PCDH9: variants seen among roughly 807,000 people sequenced by gnomAD.
The protein encoded by PCDH9 is protocadherin 9.
PCDH9 carries 24 observed loss-of-function variants against 70.6 expected under a neutral mutation model. That is an observed-to-expected ratio of 0.34 (90% CI 0.25 to 0.48). The LOEUF (loss-of-function observed/expected upper bound fraction) is 0.48, where lower values mean the gene tolerates loss of function less well. Among genes scored for constraint, PCDH9 ranks in the 20% least tolerant of loss-of-function variants. The pLI is 0.99. For synonymous variants in PCDH9, 562 were observed against 558.5 expected (o/e 1.01, Z -0.09); for missense variants, 1,281 against 1,503.6 (o/e 0.85, Z 2.45).
chr13:67,093,984 A>G (rs2086270779), intron 2 of PCDH9, among the ~76,000 whole-genome samples: 1 of 152,084 alleles, frequency 6.6e-6, no homozygotes, highest in African/African-American at 2.4e-5. Flanking sequence ...AGAATTTTCT[A>G]CTCTTCTTTT....
intron 4 of PCDH9, among the ~76,000 whole-genome samples, chr13:66,373,585 T>G (rs1159054612): frequency 6.6e-6 from 1 of 152,030 alleles, no homozygotes; most frequent in Non-Finnish European, 1.5e-5. Context: ...TACACTCGTA[T>G]ATTTAATCAG....
intron 2 of PCDH9, among the ~76,000 whole-genome samples, chr13:66,947,524 A>G (rs1445316626): frequency 6.6e-6 from 1 of 152,134 alleles, no homozygotes; most frequent in Non-Finnish European, 1.5e-5. Context: ...AGCCTGAAGA[A>G]TTCAAAGAAT....
chr13:66,790,826 A>T (rs544386314), intron 3 of PCDH9, among the ~76,000 whole-genome samples: 4 of 152,244 alleles, frequency 2.6e-5, no homozygotes, highest in Non-Finnish European at 5.9e-5. Context: ...TACAGGATTA[A>T]AAAAGAAATC....
chr13:67,074,770 C>A (rs1448235888), intron 2 of PCDH9, among the ~76,000 whole-genome samples: 1 of 151,864 alleles, frequency 6.6e-6, no homozygotes, highest in African/African-American at 2.4e-5. Context: ...AATCTCTAAC[C>A]AAACAAGAAT....
intron 2 of PCDH9, among the ~76,000 whole-genome samples, chr13:67,054,327 T>C (rs1489652590): frequency 6.6e-6 from 1 of 152,106 alleles, no homozygotes; most frequent in Non-Finnish European, 1.5e-5. Context: ...ATTATTTACC[T>C]ATCTACACAC....
intron 3 of PCDH9, among the ~76,000 whole-genome samples, chr13:66,652,087 A>G (rs1840449426): frequency 6.6e-6 from 1 of 152,070 alleles, no homozygotes; most frequent in Non-Finnish European, 1.5e-5. Flanking sequence ...CTTTCCTCTA[A>G]GATTTGGAAG....
chr13:66,686,358 C>A (rs754570227), intron 3 of PCDH9, among the ~76,000 whole-genome samples: 80 of 152,082 alleles, frequency 5.3e-4, no homozygotes, highest in Non-Finnish European at 1.1e-3. Context: ...TCCCCTTCAG[C>A]CATAATTGTA....
At chr13:67,217,252 A>G (rs1457105089) in intron 2 of PCDH9, 1 of 137,222 alleles carries the variant, frequency 7.3e-6, no homozygotes, top group Non-Finnish European at 1.6e-5. Flanking sequence ...TCTTTTCTTT[A>G]TTGAGGTTTG....
intron 3 of PCDH9, among the ~76,000 whole-genome samples, chr13:66,638,126 C>T (rs902876301): frequency 8.5e-5 from 13 of 152,100 alleles, no homozygotes; most frequent in South Asian, 2.1e-4. Context: ...AGACACTACT[C>T]GAGCTGCTAA....
intron 4 of PCDH9, among the ~76,000 whole-genome samples, chr13:66,569,487 CATT>C (rs2076702467): frequency 6.6e-6 from 1 of 152,048 alleles, no homozygotes; most frequent in African/African-American, 2.4e-5. Context: ...AAGAATATAT[CATT>C]AATATTTTTC....
At chr13:67,024,650 A>T (rs111718716) in intron 2 of PCDH9, among the ~76,000 whole-genome samples, 16 of 152,158 alleles carry the variant, frequency 1.1e-4, no homozygotes, top group African/African-American at 3.9e-4. Flanking sequence ...GAAATTGGCC[A>T]TGGTGAAGTC....
At chr13:66,814,299 G>A (rs151102971) in intron 3 of PCDH9, among the ~76,000 whole-genome samples, 1,537 of 152,158 alleles carry the variant, frequency 0.01, 24 homozygotes, top group African/African-American at 0.035. Flanking sequence ...TCCAGCAACT[G>A]CAGCTTAATT....
At chr13:66,435,788 A>C (rs535443112) in intron 4 of PCDH9, among the ~76,000 whole-genome samples, 200 of 152,310 alleles carry the variant, frequency 1.3e-3, no homozygotes, top group Admixed American at 2.0e-3. Flanking sequence ...ACAGCTAAGA[A>C]AATAAATCTT....
intron 3 of PCDH9, among the ~76,000 whole-genome samples, chr13:66,789,803 C>CA (rs1275278911): frequency 1.3e-5 from 2 of 152,098 alleles, no homozygotes; most frequent in Non-Finnish European, 2.9e-5. Context: ...GAATTTTTGT[C>CA]AGTGTTGTTT....
intron 2 of PCDH9, chr13:67,205,029 C>T (rs2089304626): frequency 6.6e-6 from 1 of 152,160 alleles, no homozygotes; most frequent in Non-Finnish European, 1.5e-5. Context: ...AAATGCTTCT[C>T]TAAACATGAC....
intron 3 of PCDH9, among the ~76,000 whole-genome samples, chr13:66,827,364 A>AG (rs1317327943): frequency 1.5e-5 from 2 of 135,058 alleles, no homozygotes; most frequent in Non-Finnish European, 3.4e-5. Flanking sequence ...AAATGGCAAA[A>AG]AAAAAAAAAA....
chr13:66,379,871 T>A (rs909357569), intron 4 of PCDH9, among the ~76,000 whole-genome samples: 2 of 151,748 alleles, frequency 1.3e-5, no homozygotes, highest in Non-Finnish European at 2.9e-5. Context: ...GACTCTGATT[T>A]AAAAAAAACA....
chr13:67,109,922 G>T (rs1182588657), intron 2 of PCDH9, among the ~76,000 whole-genome samples: 1 of 152,010 alleles, frequency 6.6e-6, no homozygotes, highest in African/African-American at 2.4e-5. Context: ...ATACAATATT[G>T]TTATTTTTAA....
chr13:66,874,715 C>T (rs973952677), intron 3 of PCDH9, among the ~76,000 whole-genome samples: 1 of 152,092 alleles, frequency 6.6e-6, no homozygotes, highest in East Asian at 1.9e-4. Context: ...TATTTTGGGC[C>T]TGAAACAGTA....
Sources: allele counts gnomAD v4.1 joint callset (sites outside exome capture counted in the v4.1 genomes callset), GRCh38; gene constraint gnomAD v4.1.1; transcripts MANE v1.5; gene names NCBI Gene and HGNC (gene_info 2026-07-23, HGNC 2026-07-21).